MDH1B: variants seen among roughly 807,000 people sequenced by gnomAD.
MDH1B encodes the protein putative malate dehydrogenase 1B.
Under a neutral mutation model 61.4 loss-of-function variants are expected in MDH1B, and 60 were observed. That is an observed-to-expected ratio of 0.98 (90% CI 0.79 to 1.21). The LOEUF (loss-of-function observed/expected upper bound fraction) is 1.21. Among genes scored for constraint, MDH1B ranks in the 50% most tolerant of loss-of-function variants. The probability of loss-of-function intolerance (pLI) is 0.00; values close to 1 mark genes in which losing one functional copy is unlikely to be tolerated. For synonymous variants in MDH1B, 236 were observed against 218.7 expected, an observed-to-expected ratio of 1.08 and a Z score of -0.70; for missense variants, 587 against 632.1, an observed-to-expected ratio of 0.93 and a Z score of 0.76.
At chr2:206,746,733 C>T (rs936411695) in intron 7 of MDH1B, among the ~76,000 whole-genome samples, 1 of 152,116 alleles carries the variant, frequency 6.6e-6, no homozygotes, top group African/African-American at 2.4e-5. Context: ...TTTCCCTGGA[C>T]CCCTATGCAG....
chr2:206,745,532 G>T (rs1688054300), intron 9 of MDH1B, 90 bp downstream of exon 9: 1 of 942,172 alleles, frequency 1.1e-6, no homozygotes, highest in East Asian at 2.6e-5. Flanking sequence ...ATAAATGAGA[G>T]TTATTCATAT....
intron 4 of MDH1B, 49 bp from the exon 5 acceptor site, chr2:206,755,554 T>G: frequency 1.3e-6 from 2 of 1,545,160 alleles, no homozygotes; most frequent in Non-Finnish European, 1.7e-6. Flanking sequence ...CCTTTGTCCC[T>G]TTTAAGCCTT....
chr2:206,757,035 G>A lies in MDH1B; in HGVS notation c.276C>T (p.Tyr92=), dbSNP rs1990849. Residue 92 remains tyrosine (Y), a synonymous_variant, in exon 4 of 12, where the codon TAC becomes TAT. Coordinates refer to ENST00000374412, the MANE Select transcript of MDH1B (RefSeq NM_001039845.3). The part of the protein sequence containing the change: ...YNEFLEHAQL[Y]YDVTSSMTTE... ...TCGTCATGCTAGAGGTGACATCATAGTAAAGCTAAATATTGGGAGAGAAAA... is the reference window on the plus strand; with the variant it reads ...TCGTCATGCTAGAGGTGACATCATAATAAAGCTAAATATTGGGAGAGAAAA... 11 of 1,612,598 alleles carry A rather than the reference G, an allele frequency of 6.8e-6. No individual in the cohort carries two copies. In the African/African-American group the frequency reaches 1.5e-4, roughly 22 times the overall value.
At chr2:206,745,336 G>T (rs1273684233) in intron 9 of MDH1B, 2 of 549,166 alleles carry the variant, frequency 3.6e-6, no homozygotes, top group Non-Finnish European at 6.9e-6. Context: ...TTGTTTTTAA[G>T]CCATCCACTT....
In MDH1B at chr2:206,744,687, G is replaced by T. The variant is rs183574393; in HGVS notation, c.1408+935C>A. Among the ~76,000 whole-genome samples, 349 of 152,242 alleles carry T rather than the reference G, an allele frequency of 2.3e-3. 2 individuals carry two copies. Among genetic ancestry groups the T allele is most frequent in the Middle Eastern group, 6.8e-3 (2 of 294 alleles). ...CATGCCTGTAATCTCATCACTTTGG[G>T]AGGCTGAGGTGGGTGGATCACGAGG... is the stretch of plus-strand genomic sequence containing the variant. On this transcript the variant is annotated intron_variant, in intron 9 of 11. Coordinates refer to ENST00000374412, the MANE Select transcript of MDH1B (RefSeq NM_001039845.3).
At chr2:206,759,562 A>G (rs541673847) in intron 2 of MDH1B, among the ~76,000 whole-genome samples, 1 of 152,304 alleles carries the variant, frequency 6.6e-6, no homozygotes, top group South Asian at 2.1e-4. Context: ...AATAGCCTAT[A>G]AGTGTTCCTT....
intron 9 of MDH1B, among the ~76,000 whole-genome samples, chr2:206,742,453 C>T (rs1047197168): frequency 6.6e-6 from 1 of 152,206 alleles, no homozygotes; most frequent in Non-Finnish European, 1.5e-5. Context: ...AACATCCCCT[C>T]CCTGACCCAT....
At chr2:206,759,691 T>TG (rs1195747387) in intron 2 of MDH1B, among the ~76,000 whole-genome samples, 1 of 152,220 alleles carries the variant, frequency 6.6e-6, no homozygotes, top group Non-Finnish European at 1.5e-5. Context: ...TAACCTGTAA[T>TG]GTTGAGCATT....
At chr2:206,757,819 T>C (rs6752428) in intron 2 of MDH1B, among the ~76,000 whole-genome samples, 18,750 of 152,232 alleles carry the variant, frequency 0.12, 1,681 homozygotes, top group African/African-American at 0.26. Flanking sequence ...ACTAAATTAA[T>C]AAGCTAAAAG....
chr2:206,744,448 T>A (rs1448872909), intron 9 of MDH1B, among the ~76,000 whole-genome samples: 2 of 152,196 alleles, frequency 1.3e-5, no homozygotes, highest in African/African-American at 4.8e-5. Context: ...TATTTCTACA[T>A]GTATATATCC....
intron 7 of MDH1B, among the ~76,000 whole-genome samples, chr2:206,747,633 A>G (rs1688191417): frequency 6.6e-6 from 1 of 152,200 alleles, no homozygotes. Flanking sequence ...GGGTGCCACA[A>G]GGAAGGGGAC....
intron 4 of MDH1B, among the ~76,000 whole-genome samples, chr2:206,755,802 T>C (rs1688726891): frequency 6.6e-6 from 1 of 152,130 alleles, no homozygotes; most frequent in Non-Finnish European, 1.5e-5. Flanking sequence ...ATAAAAAAAC[T>C]ATTATATTAC....
chr2:206,761,058 A>C (rs765809561), intron 1 of MDH1B, 45 bp from the exon 2 acceptor site: 4 of 1,030,998 alleles, frequency 3.9e-6, no homozygotes, highest in Non-Finnish European at 3.0e-6. Flanking sequence ...TCATGCAGAA[A>C]TTATTATGTA....
chr2:206,760,769 A>G, intron 2 of MDH1B, 132 bp downstream of exon 2: 1 of 564,370 alleles, frequency 1.8e-6, no homozygotes, highest in South Asian at 2.7e-5. Context: ...GACTTGTTTT[A>G]CTAGTATTCA....
intron 2 of MDH1B, among the ~76,000 whole-genome samples, chr2:206,760,119 GA>G (rs1458480125): frequency 6.6e-6 from 1 of 152,184 alleles, no homozygotes; most frequent in Non-Finnish European, 1.5e-5. Flanking sequence ...CACAACAGGT[GA>G]ACTGTAGCCA....
At chr2:206,764,477 C>A (rs1039579268) in intron 1 of MDH1B, among the ~76,000 whole-genome samples, 2 of 152,074 alleles carry the variant, frequency 1.3e-5, no homozygotes, top group Non-Finnish European at 1.5e-5. Context: ...GAAGGCAGAA[C>A]TGGAGATGGA....
At position 206,754,379 on chromosome 2, in the gene MDH1B, C is replaced by A. The variant is rs188945858; in HGVS notation, c.910+630G>T. 2.4e-4 allele frequency among the ~76,000 whole-genome samples: 37 copies of A among 152,290 alleles called. 1 individual carries two copies. The East Asian group carries it at 4.4e-3, about 18-fold the overall frequency. The stretch of plus-strand genomic sequence containing the variant: ...ACAACAATCCATTTTCTGATCTAGT[C>A]TCATCTTCTCATCTTCCTATGATTC... On this transcript the variant is annotated intron_variant, in intron 5 of 11. Transcript: ENST00000374412.
chr2:206,751,081 AAGAAT>A lies in MDH1B; in HGVS notation c.911-11_911-7del, dbSNP rs748916323. 2 of 1,525,066 alleles carry A rather than the reference AAGAAT, an allele frequency of 1.3e-6. No homozygotes were observed. The highest frequency in any genetic ancestry group is 2.6e-5 in the South Asian group (2 of 75,638). The allele number at this position is 1,525,066 out of a possible 1,614,324, so 94.5% of individuals were successfully genotyped here. On this transcript the variant is annotated splice_polypyrimidine_tract_variant and splice_region_variant and intron_variant, in intron 5 of 11. Coordinates refer to ENST00000374412, the MANE Select transcript of MDH1B (RefSeq NM_001039845.3). ...AATGATCACGTCTTTAATGTCTGTGAAGAATAGAAAGTTTAGAAAAATAATAATAA... is the reference window on the plus strand; with the variant it reads ...AATGATCACGTCTTTAATGTCTGTGAAGAAAGTTTAGAAAAATAATAATAA...
At chr2:206,752,854 G>T (rs1291451866) in intron 5 of MDH1B, among the ~76,000 whole-genome samples, 1 of 146,300 alleles carries the variant, frequency 6.8e-6, no homozygotes, top group Non-Finnish European at 1.5e-5. Flanking sequence ...TCCTTCTCCA[G>T]TGTCAGTCCC....
Sources: gnomAD v4.1 joint callset for allele counts (sites outside exome capture counted in the v4.1 genomes callset) on GRCh38, gnomAD v4.1.1 for gene constraint, MANE v1.5 for transcripts, NCBI Gene and HGNC (gene_info 2026-07-23, HGNC 2026-07-21) for gene names.